The following JAK1 variants were observed in gnomAD, a reference collection of about 807,000 sequenced individuals.
JAK1 encodes tyrosine-protein kinase JAK1.
In JAK1, 16 loss-of-function variants were observed where a neutral mutation model predicts 136.6. The observed-to-expected ratio is 0.12, with a 90% CI of 0.08 to 0.18. The LOEUF (loss-of-function observed/expected upper bound fraction) is 0.18. Among genes scored for constraint, JAK1 ranks in the 10% least tolerant of loss-of-function variants. The pLI is 1.00. For missense variants in JAK1, 859 were observed against 1,450.1 expected (o/e 0.59, Z 6.62); for synonymous variants, 492 against 519.5 (o/e 0.95, Z 0.72).
chr1:64,868,435 G>A (rs1656845649), intron 6 of JAK1, among the ~76,000 whole-genome samples: 1 of 152,142 alleles, frequency 6.6e-6, no homozygotes, highest in Admixed American at 6.5e-5. Flanking sequence ...TTAGATTAAT[G>A]TAATATAACA....
At chr1:64,976,001 C>G (rs889571376) in intron 2 of JAK1, among the ~76,000 whole-genome samples, 4 of 152,284 alleles carry the variant, frequency 2.6e-5, no homozygotes, top group Admixed American at 2.0e-4. Flanking sequence ...AGTTTGGGGA[C>G]CAGGATCTTT....
At chr1:64,998,988 AT>A (rs1646728736) in intron 2 of JAK1, among the ~76,000 whole-genome samples, 1 of 152,252 alleles carries the variant, frequency 6.6e-6, no homozygotes, top group Admixed American at 6.5e-5. Flanking sequence ...TATGATGAAC[AT>A]GGTAGTAAAT....
intron 2 of JAK1, chr1:64,986,164 G>C (rs930519590): frequency 1.9e-5 from 9 of 467,510 alleles, no homozygotes; most frequent in East Asian, 1.6e-4. Context: ...GGAGTGCAGT[G>C]GGGCGATCTC....
chr1:65,007,365 T>C (rs1281041514), intron 2 of JAK1, among the ~76,000 whole-genome samples: 4 of 152,228 alleles, frequency 2.6e-5, no homozygotes, highest in African/African-American at 7.2e-5. Context: ...ATGGATCAGA[T>C]AACCACCACA....
chr1:64,951,402 C>T (rs1354086364), intron 1 of JAK1, among the ~76,000 whole-genome samples: 1 of 152,108 alleles, frequency 6.6e-6, no homozygotes, highest in African/African-American at 2.4e-5. Context: ...GTATAAAGAA[C>T]CATTGATCTT....
In JAK1 at chr1:64,855,197, T is replaced by G. The variant is rs549565609; in HGVS notation, c.1648+312A>C. 2.0e-5 allele frequency among the ~76,000 whole-genome samples: 3 copies of G among 152,326 alleles called. No individual in the cohort carries two copies. The East Asian group carries it at 5.8e-4, about 29-fold the overall frequency. ...AATATCTCTCAGATAAATAAACCAGTGACAGGAGACTCCTCAAGGCATTTT... is the reference window on the plus strand; with the variant it reads ...AATATCTCTCAGATAAATAAACCAGGGACAGGAGACTCCTCAAGGCATTTT... On this transcript the variant is annotated intron_variant, in intron 11 of 24. Coordinates refer to ENST00000342505, the MANE Select transcript of JAK1 (RefSeq NM_002227.4).
In JAK1 at chr1:64,873,535, G is replaced by T. The variant is rs990326180; in HGVS notation, c.330-12C>A. 6.2e-7 allele frequency: 1 copy of T among 1,613,918 alleles called. No homozygotes were observed. Among genetic ancestry groups the T allele is most frequent in the African/African-American group, 1.3e-5 (1 of 74,908 alleles). ...TGGTGAAATAGAACCTGGAAGGCAG[G>T]AAAATGAATGCCAATTGTGGCAAAG... is the stretch of plus-strand genomic sequence containing the variant. On this transcript the variant is annotated splice_polypyrimidine_tract_variant and intron_variant, in intron 4 of 24. Coordinates refer to ENST00000342505, the MANE Select transcript of JAK1 (RefSeq NM_002227.4).
intron 2 of JAK1, among the ~76,000 whole-genome samples, chr1:65,013,094 T>TAAAA (rs1646863488): frequency 1.7e-5 from 1 of 60,486 alleles, no homozygotes; most frequent in African/African-American, 7.8e-5. Context: ...ACACTCCGTC[T>TAAAA]CAAAAAAAAA....
intron 4 of JAK1, among the ~76,000 whole-genome samples, chr1:64,878,594 T>TATATATATAA (rs1644718610): frequency 7.6e-6 from 1 of 131,430 alleles, no homozygotes; most frequent in Non-Finnish European, 1.8e-5. Context: ...TATATATATA[T>TATATATATAA]ATATATATAT....
chr1:64,913,703 A>G (rs74346373), intron 1 of JAK1, among the ~76,000 whole-genome samples: 3,960 of 12,672 alleles, frequency 0.31, 229 homozygotes, highest in Non-Finnish European at 0.37. Flanking sequence ...AAGGAAGGAA[A>G]GAAGGGAGGG....
intron 1 of JAK1, among the ~76,000 whole-genome samples, chr1:64,938,028 C>T (rs567718563): frequency 2.0e-5 from 3 of 151,716 alleles, no homozygotes; most frequent in Non-Finnish European, 2.9e-5. Context: ...TACAGGTGCC[C>T]GCCACCACAC....
intron 20 of JAK1, 121 bp downstream of exon 20, chr1:64,839,482 A>C (rs1654751607): frequency 2.4e-6 from 2 of 817,176 alleles, no homozygotes; most frequent in Admixed American, 2.5e-5. Context: ...AGTGTGTGGG[A>C]ACCACCAGCT....
chr1:64,835,565 A>T, intron 23 of JAK1, 59 bp from the exon 24 acceptor site: 1 of 1,008,874 alleles, frequency 9.9e-7, no homozygotes, highest in Non-Finnish European at 1.5e-6. Context: ...ATAAATGCCA[A>T]ACAGATTAAG....
At chr1:64,859,905 G>A in intron 9 of JAK1, 200 bp downstream of exon 9, 1 of 413,842 alleles carries the variant, frequency 2.4e-6, no homozygotes, top group Non-Finnish European at 4.3e-6. Context: ...AAGCAGCATT[G>A]AGGGGCTGCT....
chr1:65,018,981 A>G (rs1001852920), intron 2 of JAK1, among the ~76,000 whole-genome samples: 1 of 152,196 alleles, frequency 6.6e-6, no homozygotes, highest in Non-Finnish European at 1.5e-5. Context: ...ACTGCCCTCC[A>G]TCGTGGGGGA....
intron 1 of JAK1, among the ~76,000 whole-genome samples, chr1:64,895,742 G>C (rs540330377): frequency 2.6e-5 from 4 of 152,284 alleles, no homozygotes; most frequent in Admixed American, 1.3e-4. Context: ...CAAAGATCTA[G>C]AATATGTAGA....
intron 1 of JAK1, among the ~76,000 whole-genome samples, chr1:64,935,140 C>T (rs947995955): frequency 6.6e-6 from 1 of 152,104 alleles, no homozygotes; most frequent in Non-Finnish European, 1.5e-5. Flanking sequence ...TGGGGATGAC[C>T]CTGCCAAACA....
intron 2 of JAK1, among the ~76,000 whole-genome samples, chr1:65,013,408 C>A (rs1308593630): frequency 1.3e-4 from 19 of 146,138 alleles, no homozygotes; most frequent in South Asian, 8.7e-4. Context: ...AAAAAAAAAA[C>A]AAAAAAAACA....
chr1:65,006,780 T>C (rs1646807082), intron 2 of JAK1, among the ~76,000 whole-genome samples: 1 of 152,208 alleles, frequency 6.6e-6, no homozygotes, highest in African/African-American at 2.4e-5. Context: ...TTACGCCTTG[T>C]ATATAAAATA....
Sources: allele counts gnomAD v4.1 joint callset (sites outside exome capture counted in the v4.1 genomes callset), GRCh38; gene constraint gnomAD v4.1.1; transcripts MANE v1.5; gene names NCBI Gene and HGNC (gene_info 2026-07-23, HGNC 2026-07-21).